Variants in TSC22D1 observed in about 807,000 individuals in gnomAD.
TSC22D1 encodes the protein TSC22 domain family protein 1.
TSC22D1 carries 9 observed loss-of-function variants against 74.2 expected under a neutral mutation model. The observed-to-expected ratio is 0.12, with a 90% confidence interval of 0.07 to 0.21. The LOEUF (loss-of-function observed/expected upper bound fraction) is 0.21, where lower values mean the gene tolerates loss of function less well. TSC22D1 is among the 10% of genes least tolerant of loss of function. TSC22D1 has a pLI of 1.00. For synonymous variants in TSC22D1, 586 were observed against 492.5 expected (o/e 1.19, Z -2.51); for missense variants, 1,427 against 1,304.7 (o/e 1.09, Z -1.44).
At chr13:44,539,708 G>C in intron 1 of TSC22D1, 1 of 1,196,676 alleles carries the variant, frequency 8.4e-7, no homozygotes, top group Non-Finnish European at 1.1e-6. Flanking sequence ...AATTAAATGG[G>C]CAATGGAAGG....
chr13:44,515,138 C>A (rs1251858572), intron 1 of TSC22D1, among the ~76,000 whole-genome samples: 5 of 152,054 alleles, frequency 3.3e-5, no homozygotes, highest in Non-Finnish European at 7.4e-5. Context: ...GGGAATTTAA[C>A]TTATGAATAT....
rs1884101891 is a variant in TSC22D1 at position 44,574,982 on chromosome 13, T to G, written c.1093A>C (p.Ser365Arg). ...GAAATAGTACCATTGCCCATGCCAC[T>G]CAAGATATTCACATTAACACCACTG... is the stretch of plus-strand genomic sequence containing the variant. ...VTSGVNVNIL[S>R]GMGNGTISSS... The change falls in exon 1 of 3, where the codon AGT becomes CGT. Residue 365 changes from serine (S) to arginine (R), a missense_variant. This residue lies in a region of TSC22D1 where 1,343 missense variants were observed against 1,191.5 expected (regional missense o/e 1.13). Transcript: ENST00000458659. 1 of 1,613,968 alleles carries G rather than the reference T, an allele frequency of 6.2e-7. No homozygotes were observed. The highest frequency in any genetic ancestry group is 8.5e-7 in the Non-Finnish European group (1 of 1,180,046).
At chr13:44,576,998 C>G (rs1884294561), upstream of TSC22D1, 1 of 152,548 alleles carries the variant, frequency 6.6e-6, no homozygotes, top group African/African-American at 2.4e-5. Context: ...GGGACGTGCG[C>G]TAGGGCGGAG....
chr13:44,446,925 T>C (rs1230825609), intron 1 of TSC22D1, among the ~76,000 whole-genome samples: 3 of 152,114 alleles, frequency 2.0e-5, no homozygotes, highest in African/African-American at 7.2e-5. Context: ...TCATTTTTTA[T>C]TGTAGTAAAA....
chr13:44,454,613 T>C (rs1280649540), intron 1 of TSC22D1, among the ~76,000 whole-genome samples: 2 of 152,222 alleles, frequency 1.3e-5, no homozygotes, highest in African/African-American at 4.8e-5. Flanking sequence ...CACTAAAACA[T>C]ACTAGACAAA....
chr13:44,523,640 GAGA>G lies in TSC22D1; in HGVS notation c.2912+49520_2912+49522del, dbSNP rs567339288. On this transcript the variant is annotated intron_variant, in intron 1 of 2. Coordinates refer to ENST00000458659, the MANE Select transcript of TSC22D1 (RefSeq NM_183422.4). ...GGGAGGTAGGAGTATGTGGCACGCA[GAGA>G]AGAAGGATTTTGCAACAGGGAGGAC... is the stretch of plus-strand genomic sequence containing the variant. 3.1e-4 allele frequency among the ~76,000 whole-genome samples: 47 copies of G among 152,260 alleles called. 1 individual carries two copies. In the South Asian group the frequency reaches 8.3e-3, roughly 27 times the overall value.
intron 1 of TSC22D1, among the ~76,000 whole-genome samples, chr13:44,451,741 G>A (rs893096030): frequency 6.6e-5 from 10 of 152,226 alleles, no homozygotes; most frequent in African/African-American, 2.4e-4. Flanking sequence ...CACACGCTGA[G>A]GATCAACTGT....
At chr13:44,512,149 CTTT>C (rs976522499) in intron 1 of TSC22D1, among the ~76,000 whole-genome samples, 3 of 151,188 alleles carry the variant, frequency 2.0e-5, no homozygotes, top group African/African-American at 4.9e-5. Flanking sequence ...ATATTTATTT[CTTT>C]TTTTGTTTGT....
chr13:44,538,719 A>G (rs955964688), intron 1 of TSC22D1: 9 of 985,426 alleles, frequency 9.1e-6, no homozygotes, highest in Middle Eastern at 5.2e-4. Context: ...AAATGACAAG[A>G]TCAGGTGGCT....
intron 1 of TSC22D1, among the ~76,000 whole-genome samples, chr13:44,463,852 T>C (rs1461631210): frequency 1.3e-5 from 2 of 152,188 alleles, no homozygotes; most frequent in Non-Finnish European, 2.9e-5. Context: ...CTTACATGTA[T>C]GTACCTAGCT....
At chr13:44,508,337 T>C (rs1006920717) in intron 1 of TSC22D1, among the ~76,000 whole-genome samples, 11 of 152,204 alleles carry the variant, frequency 7.2e-5, no homozygotes, top group Non-Finnish European at 1.3e-4. Flanking sequence ...TGAGCTTGGT[T>C]AAAGTATGAT....
intron 1 of TSC22D1, among the ~76,000 whole-genome samples, chr13:44,547,078 G>A (rs1337662043): frequency 6.6e-6 from 1 of 151,926 alleles, no homozygotes; most frequent in African/African-American, 2.4e-5. Context: ...CTAAATTTTT[G>A]CAACTTTTGG....
intron 1 of TSC22D1, chr13:44,536,834 T>C: frequency 2.1e-6 from 2 of 973,278 alleles, no homozygotes; most frequent in East Asian, 1.2e-4. Flanking sequence ...ATCAGGAAAA[T>C]GCAAAAACAT....
intron 1 of TSC22D1, among the ~76,000 whole-genome samples, chr13:44,515,348 G>T (rs1035006650): frequency 4.0e-5 from 6 of 151,254 alleles, no homozygotes; most frequent in African/African-American, 1.5e-4. Flanking sequence ...TTTACTATAT[G>T]GAAAGATGGC....
intron 1 of TSC22D1, among the ~76,000 whole-genome samples, chr13:44,463,311 C>T (rs1877101022): frequency 1.3e-5 from 2 of 152,172 alleles, no homozygotes; most frequent in South Asian, 2.1e-4. Context: ...GTGGTAATGA[C>T]CTAACATCCA....
intron 1 of TSC22D1, among the ~76,000 whole-genome samples, chr13:44,453,932 T>C (rs879555518): frequency 6.6e-6 from 1 of 152,192 alleles, no homozygotes; most frequent in Non-Finnish European, 1.5e-5. Context: ...TTTAGTCTGG[T>C]GTAGAGGGAA....
intron 1 of TSC22D1, among the ~76,000 whole-genome samples, chr13:44,488,503 G>A (rs1003410592): frequency 6.6e-5 from 10 of 152,082 alleles, no homozygotes; most frequent in African/African-American, 2.4e-4. Flanking sequence ...GGCTAACGTT[G>A]CATTTCCATT....
At chr13:44,533,718 G>A (rs1195284373) in intron 1 of TSC22D1, among the ~76,000 whole-genome samples, 3 of 152,066 alleles carry the variant, frequency 2.0e-5, no homozygotes, top group Non-Finnish European at 4.4e-5. Context: ...AGGAGGTGGT[G>A]GTTGCAGTGA....
chr13:44,517,848 TA>T (rs1238139031), intron 1 of TSC22D1, among the ~76,000 whole-genome samples: 4 of 32,724 alleles, frequency 1.2e-4, no homozygotes, highest in Non-Finnish European at 9.3e-5. Context: ...TATATATATA[TA>T]TATATATATT....
Sources: gnomAD v4.1 joint callset for allele counts (sites outside exome capture counted in the v4.1 genomes callset) on GRCh38, gnomAD v4.1.1 for gene constraint, gnomAD v4.1.1 regional missense constraint, MANE v1.5 for transcripts, NCBI Gene and HGNC (gene_info 2026-07-23, HGNC 2026-07-21) for gene names.